The following BCAS3 variants were observed in gnomAD, a reference collection of about 807,000 sequenced individuals.
BCAS3 encodes BCAS3 microtubule associated cell migration factor.
BCAS3 carries 53 observed loss-of-function variants against 116.1 expected under a neutral mutation model. The ratio of observed to expected loss-of-function variants is 0.46; its 90% confidence interval spans 0.37 to 0.57. The LOEUF (loss-of-function observed/expected upper bound fraction) is 0.57, where lower values mean the gene tolerates loss of function less well. Ranked by LOEUF, BCAS3 falls within the 20% of genes least tolerant of loss-of-function variation. BCAS3 has a pLI of 0.00. For synonymous variants in BCAS3, 391 were observed against 408.2 expected (o/e 0.96, Z 0.51); for missense variants, 917 against 1,165.4 (o/e 0.79, Z 3.10).
At chr17:60,698,857 A>G (rs1362864144) in intron 4 of BCAS3, among the ~76,000 whole-genome samples, 1 of 152,168 alleles carries the variant, frequency 6.6e-6, no homozygotes, top group Non-Finnish European at 1.5e-5. Flanking sequence ...GGAGTTCAAG[A>G]CCAGCCTGGC....
rs1355592253 is a variant in BCAS3 at position 61,088,757 on chromosome 17, C to A, written c.2425+4193C>A. ...GTTTTACTATGGAGATGGATGTTTA[C>A]TAACAAAGAACTCAGATAATTGAGA... On this transcript the variant is annotated intron_variant, in intron 22 of 23. Transcript: ENST00000407086. The surrounding 1 kb of genome is among the most constrained non-coding windows in gnomAD (Gnocchi z 4.2). Among the ~76,000 whole-genome samples, 2 of 152,204 alleles carry A rather than the reference C, an allele frequency of 1.3e-5. No homozygotes were observed. Among genetic ancestry groups the A allele is most frequent in the African/African-American group, 4.8e-5 (2 of 41,454 alleles).
intron 8 of BCAS3, among the ~76,000 whole-genome samples, chr17:60,874,399 T>G (rs2055401171): frequency 6.6e-6 from 1 of 152,152 alleles, no homozygotes; most frequent in Admixed American, 6.5e-5. Flanking sequence ...AGACAAACAT[T>G]TTTTGAGGTG....
At chr17:60,881,119 C>T (rs969960222) in intron 9 of BCAS3, among the ~76,000 whole-genome samples, 12 of 152,240 alleles carry the variant, frequency 7.9e-5, no homozygotes, top group Non-Finnish European at 1.3e-4. Context: ...GGACTACAGG[C>T]GCCCGCCACC....
chr17:60,800,516 A>C (rs1196189954), intron 6 of BCAS3, among the ~76,000 whole-genome samples: 1 of 152,036 alleles, frequency 6.6e-6, no homozygotes, highest in Non-Finnish European at 1.5e-5. Flanking sequence ...TTTTGCAAGT[A>C]TTTTTTCAAG....
intron 21 of BCAS3, among the ~76,000 whole-genome samples, chr17:61,080,454 G>C (rs1277926593): frequency 1.3e-5 from 2 of 151,854 alleles, no homozygotes; most frequent in Non-Finnish European, 2.9e-5. Flanking sequence ...TCTTCTTAAA[G>C]AATGATTCAG....
Position 61,388,499 on chromosome 17 carries a change from T to C in BCAS3, c.2594-3478T>C. 1.1e-6 allele frequency: 1 copy of C among 894,852 alleles called. No homozygotes were observed. Among genetic ancestry groups the C allele is most frequent in the South Asian group, 1.7e-5 (1 of 58,976 alleles). The allele number at this position is 894,852 out of a possible 1,614,324, so 55.4% of individuals were successfully genotyped here. ...CTCCTTGACTGCAAACTCCCCCTCC[T>C]CACGGTGTGCCCCTGCGCCTCCTGA... is the stretch of plus-strand genomic sequence containing the variant. On this transcript the variant is annotated intron_variant, in intron 23 of 23. Coordinates refer to ENST00000407086, the MANE Select transcript of BCAS3 (RefSeq NM_017679.5). The surrounding 1 kb of genome is among the most constrained non-coding windows in gnomAD (Gnocchi z 6.5).
chr17:61,010,395 G>C (rs993201778), intron 15 of BCAS3, among the ~76,000 whole-genome samples: 2 of 151,868 alleles, frequency 1.3e-5, no homozygotes, highest in Non-Finnish European at 2.9e-5. Flanking sequence ...TGGAGATTGA[G>C]AGTTTGTGTC....
rs150757695 is a variant in BCAS3 at position 61,147,644 on chromosome 17, G to A, written c.2425+63080G>A. Reference sequence around the variant, plus strand: ...CATTTCCCTAATTGCCTGAATTAGCGGTGTTTTTATATTCTCAATAAAGCT... The same window carrying A: ...CATTTCCCTAATTGCCTGAATTAGCAGTGTTTTTATATTCTCAATAAAGCT... On this transcript the variant is annotated intron_variant, in intron 22 of 23. Coordinates refer to ENST00000407086, the MANE Select transcript of BCAS3 (RefSeq NM_017679.5). Among the ~76,000 whole-genome samples, 152 of 152,264 alleles carry A rather than the reference G, an allele frequency of 1.0e-3. No individual in the cohort carries two copies. In the Middle Eastern group the frequency reaches 0.01, roughly 10 times the overall value.
At chr17:61,299,442 CAAAAAAAAAAAA>C (rs538072648) in intron 22 of BCAS3, among the ~76,000 whole-genome samples, 2 of 57,154 alleles carry the variant, frequency 3.5e-5, no homozygotes, top group African/African-American at 6.0e-5. Context: ...GACTCCATCT[CAAAAAAAAAAAA>C]AAAAAAAAAA....
In BCAS3 at chr17:61,228,779, A is replaced by G. The variant is rs2082505388; in HGVS notation, c.2426-139548A>G. 6.6e-6 allele frequency among the ~76,000 whole-genome samples: 1 copy of G among 152,146 alleles called. No homozygotes were observed. The highest frequency in any genetic ancestry group is 2.1e-4 in the South Asian group (1 of 4,822). ...AGGTCTCCTGATTCCATGAGCCACA[A>G]TAATATTGAAATTGGGCCAATTAAT... On this transcript the variant is annotated intron_variant, in intron 22 of 23. Transcript: ENST00000407086. This position sits in a 1 kb window ranked among gnomAD's most constrained non-coding sequence, Gnocchi z 5.0.
At position 61,228,329 on chromosome 17, in the gene BCAS3, C is replaced by T. The variant is rs528964489; in HGVS notation, c.2426-139998C>T. 1.7e-4 allele frequency among the ~76,000 whole-genome samples: 26 copies of T among 152,092 alleles called. No homozygotes were observed. The highest frequency in any genetic ancestry group is 5.2e-4 in the Admixed American group (8 of 15,274). Reference sequence around the variant, plus strand: ...CAGAAAAGTTGCCTTACCAGGAAACCGTAATTTATAGTGTATTTTTTTAAG... The same window carrying T: ...CAGAAAAGTTGCCTTACCAGGAAACTGTAATTTATAGTGTATTTTTTTAAG... On this transcript the variant is annotated intron_variant, in intron 22 of 23. Coordinates refer to ENST00000407086, the MANE Select transcript of BCAS3 (RefSeq NM_017679.5). This position sits in a 1 kb window ranked among gnomAD's most constrained non-coding sequence, Gnocchi z 5.0.
chr17:61,058,166 C>T (rs1003719537), intron 19 of BCAS3, among the ~76,000 whole-genome samples: 10 of 152,044 alleles, frequency 6.6e-5, no homozygotes, highest in Admixed American at 2.6e-4. Flanking sequence ...GCCCAGTAAC[C>T]GAGGCATAAG....
chr17:60,682,305 G>C (rs2033281558), intron 2 of BCAS3, among the ~76,000 whole-genome samples: 1 of 152,176 alleles, frequency 6.6e-6, no homozygotes, highest in South Asian at 2.1e-4. Flanking sequence ...CTTGGTGTGT[G>C]CTAGGAATTG....
intron 22 of BCAS3, among the ~76,000 whole-genome samples, chr17:61,357,262 A>T (rs11285069): frequency 0.28 from 13,907 of 49,772 alleles, 951 homozygotes; most frequent in Middle Eastern, 0.33. Context: ...ATAAATAAAT[A>T]AATAAATTAA....
rs1291470402 is a variant in BCAS3, at chr17:61,214,105, C to T, written c.2425+129541C>T. Among the ~76,000 whole-genome samples the T allele has an allele frequency of 6.6e-6, 1 of 151,526 alleles. No individual in the cohort carries two copies. The highest frequency in any genetic ancestry group is 6.6e-5 in the Admixed American group (1 of 15,128). Reference sequence around the variant, plus strand: ...GGAATAGGCCATTCGTGGTGGCTCACACCTGTAATCCCAGCATTTTGGGAG... The same window carrying T: ...GGAATAGGCCATTCGTGGTGGCTCATACCTGTAATCCCAGCATTTTGGGAG... On this transcript the variant is annotated intron_variant, in intron 22 of 23. Transcript: ENST00000407086. This position sits in a 1 kb window ranked among gnomAD's most constrained non-coding sequence, Gnocchi z 4.4.
intron 22 of BCAS3, among the ~76,000 whole-genome samples, chr17:61,237,526 G>C (rs1233032117): frequency 6.6e-6 from 1 of 152,182 alleles, no homozygotes; most frequent in Non-Finnish European, 1.5e-5. Context: ...AATAAATCTT[G>C]TGGCTGCTCA....
chr17:60,947,159 G>T, intron 13 of BCAS3, 60 bp from the exon 14 acceptor site: 2 of 1,466,616 alleles, frequency 1.4e-6, no homozygotes, highest in South Asian at 2.6e-5. Context: ...TAGCTTTTTA[G>T]AATATTTCAT....
chr17:60,752,204 A>C (rs2042539767), intron 6 of BCAS3, among the ~76,000 whole-genome samples: 1 of 150,956 alleles, frequency 6.6e-6, no homozygotes, highest in African/African-American at 2.4e-5. Flanking sequence ...AATATTTTTC[A>C]TAACGATTTA....
chr17:61,248,458 C>T lies in BCAS3; in HGVS notation c.2426-119869C>T, dbSNP rs1249938428. On this transcript the variant is annotated intron_variant, in intron 22 of 23. Coordinates refer to ENST00000407086, the MANE Select transcript of BCAS3 (RefSeq NM_017679.5). This position sits in a 1 kb window ranked among gnomAD's most constrained non-coding sequence, Gnocchi z 4.3. ...TCAAAGAAAACAACTCGTAAAGATA[C>T]TGGCAGTTGAAGGTCTAAGTCCCAG... Among the ~76,000 whole-genome samples, 1 of 152,172 alleles carries T rather than the reference C, an allele frequency of 6.6e-6. No homozygotes were observed. Among genetic ancestry groups the T allele is most frequent in the Non-Finnish European group, 1.5e-5 (1 of 68,038 alleles).
Sources: allele counts gnomAD v4.1 joint callset (sites outside exome capture counted in the v4.1 genomes callset), GRCh38; gene constraint gnomAD v4.1.1; non-coding constraint Gnocchi (gnomAD v3.1); transcripts MANE v1.5; gene names NCBI Gene and HGNC (gene_info 2026-07-23, HGNC 2026-07-21).